UROS: variants seen among roughly 807,000 people sequenced by gnomAD.
The protein encoded by UROS is uroporphyrinogen III synthase, also known as uroporphyrinogen-III synthase.
In UROS, 18 loss-of-function variants were observed where a neutral mutation model predicts 33.0. The observed-to-expected ratio is 0.55, with a 90% CI of 0.38 to 0.81. The LOEUF (loss-of-function observed/expected upper bound fraction) is 0.81, where lower values mean the gene tolerates loss of function less well. UROS is among the 30% of genes least tolerant of loss of function. The pLI is 0.00. For synonymous variants in UROS, 114 were observed against 121.1 expected, an observed-to-expected ratio of 0.94 and a Z score of 0.38; for missense variants, 293 against 314.9, an observed-to-expected ratio of 0.93 and a Z score of 0.53.
rs767407906 is a variant in UROS at position 125,798,063 on chromosome 10, G to A, written c.475+2C>T. On this transcript the variant is annotated splice_donor_variant, in intron 7 of 9. Coordinates refer to ENST00000368797, the MANE Select transcript of UROS (RefSeq NM_000375.3). LOFTEE classifies it low-confidence loss of function (GC_TO_GT_DONOR). ...GGGATGCAGTCAAAGCATTCTACTC[G>A]CCTTTGTCCTTGAGCGCTTTTGGCA... 1.5e-5 allele frequency: 25 copies of A among 1,613,874 alleles called. No individual in the cohort carries two copies. The highest frequency in any genetic ancestry group is 1.7e-4 in the Middle Eastern group (1 of 6,060).
At chr10:125,813,663 G>C (rs1198392023) in intron 4 of UROS, among the ~76,000 whole-genome samples, 1 of 152,160 alleles carries the variant, frequency 6.6e-6, no homozygotes, top group Middle Eastern at 3.2e-3. Context: ...TTTTTTGGTA[G>C]AGATGGGGTT....
intron 5 of UROS, among the ~76,000 whole-genome samples, chr10:125,808,537 G>C (rs1434432751): frequency 6.6e-6 from 1 of 152,220 alleles, no homozygotes; most frequent in Non-Finnish European, 1.5e-5. Flanking sequence ...CACAGGAACT[G>C]AACTGAGACA....
At chr10:125,821,710 T>C (rs1370038692) in intron 1 of UROS, among the ~76,000 whole-genome samples, 1 of 152,222 alleles carries the variant, frequency 6.6e-6, no homozygotes, top group Non-Finnish European at 1.5e-5. Context: ...GTTGATATGT[T>C]CACATGGTCT....
intron 1 of UROS, among the ~76,000 whole-genome samples, chr10:125,822,319 A>ATT (rs544901269): frequency 0.42 from 59,096 of 142,218 alleles, 12,375 homozygotes; most frequent in Non-Finnish European, 0.47. Flanking sequence ...GCCCCGAAGC[A>ATT]TTTTTTTTTT....
chr10:125,801,922 A>T, intron 6 of UROS: 1 of 798,006 alleles, frequency 1.3e-6, no homozygotes, highest in Non-Finnish European at 1.5e-6. Context: ...CTGTCTCCTT[A>T]CAAACAAACT....
downstream of UROS, among the ~76,000 whole-genome samples, chr10:125,786,831 C>T (rs574456597): frequency 1.3e-5 from 2 of 152,314 alleles, no homozygotes; most frequent in East Asian, 3.9e-4. Context: ...CAGATCTTAC[C>T]TTCTGTCCCA....
intron 3 of UROS, 148 bp from the exon 4 acceptor site, chr10:125,815,278 T>G (rs1853209837): frequency 1.2e-6 from 1 of 862,494 alleles, no homozygotes; most frequent in Non-Finnish European, 1.9e-6. Flanking sequence ...TACTGAGTGC[T>G]TACTATGTGC....
chr10:125,789,070 G>C (rs1589907998), intron 9 of UROS, 65 bp from the exon 10 acceptor site: 1 of 1,593,820 alleles, frequency 6.3e-7, no homozygotes, highest in East Asian at 2.2e-5. Context: ...GCAGGCAGCT[G>C]GATGTGTGCA....
At chr10:125,820,492 GTCTA>G (rs1229397129) in intron 1 of UROS, among the ~76,000 whole-genome samples, 1 of 152,188 alleles carries the variant, frequency 6.6e-6, no homozygotes, top group Admixed American at 6.5e-5. Context: ...ACTTTACTCA[GTCTA>G]TCCATTCAAA....
chr10:125,793,924 GA>G (rs1281884943), intron 9 of UROS: 2 of 152,110 alleles, frequency 1.3e-5, no homozygotes, highest in Non-Finnish European at 2.9e-5. Flanking sequence ...GGCCTTCTAG[GA>G]ACTCAAAACA....
Position 125,816,186 on chromosome 10 carries a change from GA to G in UROS, c.137del (p.Phe46SerfsTer42). ...TCACAACAGGCCTTACCTTCTCAGA[GA>G]AACTGGGAAGAGACAAAAACTCAAA... Reference protein sequence around the residue: ...LSFEFLSLPSFSEKLSHPEDY... With the variant: ...LSFEFLSLPSXSEKLSHPEDY... On this transcript the variant is annotated frameshift_variant, in exon 3 of 10. Coordinates refer to ENST00000368797, the MANE Select transcript of UROS (RefSeq NM_000375.3). LOFTEE classifies it high-confidence loss of function. 6.2e-7 allele frequency: 1 copy of G among 1,614,092 alleles called. No individual in the cohort carries two copies. The highest frequency in any genetic ancestry group is 8.5e-7 in the Non-Finnish European group (1 of 1,179,938).
At chr10:125,812,693 G>C (rs896991027) in intron 4 of UROS, among the ~76,000 whole-genome samples, 1 of 152,146 alleles carries the variant, frequency 6.6e-6, no homozygotes, top group East Asian at 1.9e-4. Flanking sequence ...AATCCAATTG[G>C]TTTATTTGGG....
chr10:125,817,932 A>G (rs1349184664), intron 1 of UROS, among the ~76,000 whole-genome samples: 1 of 152,254 alleles, frequency 6.6e-6, no homozygotes. Context: ...TTAGTTATGC[A>G]AACACCCCAA....
chr10:125,814,784 T>C (rs1334197898), intron 4 of UROS, among the ~76,000 whole-genome samples: 2 of 152,210 alleles, frequency 1.3e-5, no homozygotes, highest in Non-Finnish European at 2.9e-5. Flanking sequence ...AGATGATACC[T>C]TCTAAGGGGA....
At chr10:125,793,033 CGAG>C (rs976531236) in intron 9 of UROS, 2 of 152,140 alleles carry the variant, frequency 1.3e-5, no homozygotes, top group Non-Finnish European at 2.9e-5. Flanking sequence ...TAGTAAGAGG[CGAG>C]GGGGCTACTG....
chr10:125,816,408 T>C (rs1391751046), intron 2 of UROS, 29 bp downstream of exon 2: 1 of 1,613,826 alleles, frequency 6.2e-7, no homozygotes, highest in South Asian at 1.1e-5. Flanking sequence ...GAAAGGACAC[T>C]GTGGGATAAG....
At chr10:125,807,308 C>G in intron 6 of UROS, 105 bp downstream of exon 6, 1 of 996,278 alleles carries the variant, frequency 1.0e-6, no homozygotes, top group Non-Finnish European at 1.6e-6. Context: ...ACCAATCAAT[C>G]TCACCACCAA....
chr10:125,799,313 G>A (rs1037153311), intron 6 of UROS, among the ~76,000 whole-genome samples: 1 of 152,188 alleles, frequency 6.6e-6, no homozygotes, highest in Non-Finnish European at 1.5e-5. Flanking sequence ...CTTCCAGTGC[G>A]AGGAAATGTT....
intron 9 of UROS, chr10:125,789,378 G>A (rs982244988): frequency 2.5e-6 from 3 of 1,182,134 alleles, no homozygotes; most frequent in African/African-American, 1.6e-5. Context: ...TCAAGGGGAG[G>A]ATGGTGTGGC....
Sources: gnomAD v4.1 joint callset for allele counts (sites outside exome capture counted in the v4.1 genomes callset) on GRCh38, gnomAD v4.1.1 for gene constraint, MANE v1.5 for transcripts, NCBI Gene and HGNC (gene_info 2026-07-23, HGNC 2026-07-21) for gene names.